The following PTPRT variants were observed in gnomAD, a reference collection of about 807,000 sequenced individuals.
PTPRT encodes protein tyrosine phosphatase receptor type T.
PTPRT carries 56 observed loss-of-function variants against 176.8 expected under a neutral mutation model. That is an observed-to-expected ratio of 0.32 (90% confidence interval 0.26 to 0.40). The LOEUF is 0.40. Among genes scored for constraint, PTPRT ranks in the 10% least tolerant of loss-of-function variants. PTPRT has a pLI of 1.00. For synonymous variants in PTPRT, 783 were observed against 739.0 expected (o/e 1.06, Z -0.96); for missense variants, 1,540 against 1,908.2 (o/e 0.81, Z 3.60).
chr20:42,219,435 C>A (rs561830188), intron 15 of PTPRT, among the ~76,000 whole-genome samples: 16 of 152,252 alleles, frequency 1.1e-4, no homozygotes, highest in African/African-American at 3.8e-4. Flanking sequence ...ACTCCCCCTG[C>A]GCCTTTCTAG....
intron 8 of PTPRT, among the ~76,000 whole-genome samples, chr20:42,459,713 C>T (rs2070985623): frequency 6.6e-6 from 1 of 152,038 alleles, no homozygotes; most frequent in African/African-American, 2.4e-5. Flanking sequence ...TTTTTTGAGA[C>T]AGGGTCTTGC....
chr20:42,606,081 G>A (rs1400843714), intron 7 of PTPRT, among the ~76,000 whole-genome samples: 2 of 152,222 alleles, frequency 1.3e-5, no homozygotes, highest in East Asian at 1.9e-4. Flanking sequence ...TCTTGTGCAC[G>A]ATGTTGAGAA....
In PTPRT at chr20:42,274,923, A is replaced by G. The variant is rs367552535; in HGVS notation, c.2176+7566T>C. On this transcript the variant is annotated intron_variant, in intron 13 of 30. Transcript: ENST00000373187. Reference sequence around the variant, plus strand: ...AAGAGGCATGGGAAGAGGTTAACAAATAGGTAGGAGACAGAGCATCCTGTC... The same window carrying G: ...AAGAGGCATGGGAAGAGGTTAACAAGTAGGTAGGAGACAGAGCATCCTGTC... 6.6e-5 allele frequency among the ~76,000 whole-genome samples: 10 copies of G among 152,292 alleles called. No individual in the cohort carries two copies. The East Asian group carries it at 1.5e-3, about 23-fold the overall frequency.
At chr20:42,678,215 C>A in intron 6 of PTPRT, 56 bp from the exon 7 acceptor site, 5 of 1,518,066 alleles carry the variant, frequency 3.3e-6, no homozygotes, top group Non-Finnish European at 4.5e-6. Context: ...ACAGAGCAGA[C>A]TACAAGCACA....
intron 1 of PTPRT, among the ~76,000 whole-genome samples, chr20:43,044,039 T>G (rs1439808760): frequency 6.6e-6 from 1 of 151,932 alleles, no homozygotes; most frequent in East Asian, 1.9e-4. Flanking sequence ...AGGAGAAGTG[T>G]CTGCGAGATG....
At chr20:42,352,796 C>T (rs947104444) in intron 9 of PTPRT, among the ~76,000 whole-genome samples, 1 of 152,090 alleles carries the variant, frequency 6.6e-6, no homozygotes, top group African/African-American at 2.4e-5. Context: ...GATTATTACG[C>T]ATTGCATGCT....
rs559979029 is a variant in PTPRT at position 42,633,881 on chromosome 20, TA to T, written c.1153+43984del. On this transcript the variant is annotated intron_variant, in intron 7 of 30. Transcript: ENST00000373187. ...ATATATAATTATCTATAATATATTA[TA>T]ATATAATTATTATATATAATATAAT... is the stretch of plus-strand genomic sequence containing the variant. Among the ~76,000 whole-genome samples, 402 of 79,244 alleles carry T rather than the reference TA, an allele frequency of 5.1e-3. 7 individuals carry two copies. Among genetic ancestry groups the T allele is most frequent in the African/African-American group, 0.014 (264 of 18,504 alleles). 52.0% of individuals were successfully genotyped at this position (79,244 alleles called of 152,430 possible).
At chr20:42,876,825 C>T (rs574618986) in intron 2 of PTPRT, among the ~76,000 whole-genome samples, 5 of 152,242 alleles carry the variant, frequency 3.3e-5, no homozygotes, top group East Asian at 1.9e-4. Context: ...CAGCCACTCA[C>T]AGGCCTAGTA....
At chr20:42,235,013 C>T (rs950909006) in intron 15 of PTPRT, among the ~76,000 whole-genome samples, 2 of 152,160 alleles carry the variant, frequency 1.3e-5, no homozygotes, top group Non-Finnish European at 2.9e-5. Context: ...TACATTTTAC[C>T]GGAAGCCAGG....
chr20:42,127,481 C>T (rs536099855), intron 19 of PTPRT, among the ~76,000 whole-genome samples: 7 of 152,258 alleles, frequency 4.6e-5, no homozygotes, highest in South Asian at 2.1e-4. Context: ...GATCTGAGGG[C>T]AAGCAGTCAG....
intron 6 of PTPRT, among the ~76,000 whole-genome samples, chr20:42,732,730 G>A (rs958229587): frequency 2.6e-5 from 4 of 152,210 alleles, no homozygotes; most frequent in East Asian, 3.8e-4. Flanking sequence ...TTGAAAGTCC[G>A]ATGCTTGGGG....
intron 7 of PTPRT, among the ~76,000 whole-genome samples, chr20:42,515,662 A>G (rs112395717): frequency 0.025 from 3,800 of 152,314 alleles, 111 homozygotes; most frequent in East Asian, 0.099. Flanking sequence ...CACAAGTCAT[A>G]AGTGTACAGT....
At chr20:42,532,938 T>C (rs561421567) in intron 7 of PTPRT, among the ~76,000 whole-genome samples, 1 of 152,218 alleles carries the variant, frequency 6.6e-6, no homozygotes, top group African/African-American at 2.4e-5. Flanking sequence ...GTTATGCAAG[T>C]CGTTTAGCAG....
chr20:42,555,550 G>A (rs1220779907), intron 7 of PTPRT, among the ~76,000 whole-genome samples: 1 of 152,142 alleles, frequency 6.6e-6, no homozygotes, highest in Non-Finnish European at 1.5e-5. Flanking sequence ...ATGTGTTATT[G>A]TTCAATATCC....
intron 1 of PTPRT, among the ~76,000 whole-genome samples, chr20:43,160,919 T>TA (rs11484206): frequency 0.29 from 41,716 of 143,222 alleles, 5,983 homozygotes; most frequent in East Asian, 0.48. Context: ...GAATTTTCTT[T>TA]AAAAAAAAAA....
Position 42,106,864 on chromosome 20 carries a change from G to A in PTPRT, c.3312C>T (p.Ala1104=), listed in dbSNP as rs200223012. 6.2e-6 allele frequency: 10 copies of A among 1,614,052 alleles called. 1 individual carries two copies. The highest frequency in any genetic ancestry group is 3.3e-5 in the South Asian group (3 of 91,068). ...FIAIDTMLDM[A]ENEGVVDIFN... is the part of the protein sequence containing the mutation. ...AGATGTCCACCACCCCTTCATTCTC[G>A]GCCATGTCAAGCATGGTGTCAATGG... Residue 1104 remains alanine (A), a synonymous_variant, in exon 24 of 31, where the codon GCC becomes GCT. Transcript: ENST00000373187.
chr20:42,550,005 C>T (rs968008151), intron 7 of PTPRT, among the ~76,000 whole-genome samples: 5 of 152,018 alleles, frequency 3.3e-5, no homozygotes, highest in East Asian at 1.9e-4. Flanking sequence ...GTGAATGGCT[C>T]GAGATTTTGT....
chr20:42,800,940 C>T (rs1176580174), intron 2 of PTPRT, among the ~76,000 whole-genome samples: 2 of 152,154 alleles, frequency 1.3e-5, no homozygotes, highest in Admixed American at 6.5e-5. Flanking sequence ...ACGACTGGGT[C>T]TGAAAGCAAC....
Position 42,104,612 on chromosome 20 carries a change from A to C in PTPRT, c.3497T>G (p.Leu1166Arg), listed in dbSNP as rs1196725481. The C allele has an allele frequency of 1.2e-6, 2 of 1,612,614 alleles. No homozygotes were observed. Among genetic ancestry groups the C allele is most frequent in the South Asian group, 2.2e-5 (2 of 91,028 alleles). Residue 1166 changes from leucine (L) to arginine (R), a missense_variant, in exon 25 of 31, where the codon CTG becomes CGG. Transcript: ENST00000373187. ...FRSLYYNISR[L>R]DPQTNSSQIK... ...TTGGCTGGAGTTTGTCTGGGGGTCC[A>C]GCCTGCTGATATTGTAGTAGAGAGA...
Sources: gnomAD v4.1 joint callset for allele counts (sites outside exome capture counted in the v4.1 genomes callset) on GRCh38, gnomAD v4.1.1 for gene constraint, MANE v1.5 for transcripts, NCBI Gene and HGNC (gene_info 2026-07-23, HGNC 2026-07-21) for gene names.